GPATCH2: variants seen among roughly 807,000 people sequenced by gnomAD.
GPATCH2 encodes the protein G patch domain-containing protein 2.
A neutral mutation model predicts 58.0 loss-of-function variants in GPATCH2; 51 were observed. That is an observed-to-expected ratio of 0.88 (90% confidence interval 0.70 to 1.11). The LOEUF (loss-of-function observed/expected upper bound fraction) is 1.11. Among genes scored for constraint, GPATCH2 ranks in the 50% most tolerant of loss-of-function variants. GPATCH2 has a pLI of 0.00. For missense variants in GPATCH2, 625 were observed against 652.2 expected (o/e 0.96, Z 0.45); for synonymous variants, 222 against 218.5 (o/e 1.02, Z -0.14).
intron 6 of GPATCH2, among the ~76,000 whole-genome samples, chr1:217,502,645 C>A (rs1662363014): frequency 6.6e-6 from 1 of 151,964 alleles, no homozygotes; most frequent in Non-Finnish European, 1.5e-5. Flanking sequence ...CCTCAAATAT[C>A]TGGTGATCTT....
intron 5 of GPATCH2, among the ~76,000 whole-genome samples, chr1:217,559,524 G>A (rs11805540): frequency 0.015 from 2,348 of 152,140 alleles, 64 homozygotes; most frequent in African/African-American, 0.053. Context: ...GCTTAACAAA[G>A]GACTATCATT....
chr1:217,547,442 A>C (rs1472637615), intron 5 of GPATCH2, among the ~76,000 whole-genome samples: 1 of 152,110 alleles, frequency 6.6e-6, no homozygotes, highest in East Asian at 1.9e-4. Context: ...AATTAGTTCA[A>C]CCATTGTGCG....
At chr1:217,557,960 T>C (rs1193982207) in intron 5 of GPATCH2, among the ~76,000 whole-genome samples, 4 of 152,234 alleles carry the variant, frequency 2.6e-5, no homozygotes, top group African/African-American at 9.6e-5. Context: ...AAAACGCTTC[T>C]GAATCATGAT....
At chr1:217,535,899 T>A (rs971878691) in intron 5 of GPATCH2, among the ~76,000 whole-genome samples, 3 of 152,290 alleles carry the variant, frequency 2.0e-5, no homozygotes, top group Admixed American at 6.5e-5. Context: ...TGTTTTAAAA[T>A]TTTTAAATTT....
intron 1 of GPATCH2, among the ~76,000 whole-genome samples, chr1:217,620,748 T>A (rs966465432): frequency 6.6e-6 from 1 of 152,154 alleles, no homozygotes; most frequent in Non-Finnish European, 1.5e-5. Flanking sequence ...CAATGAAAGA[T>A]CCCAGTATTT....
chr1:217,454,003 C>CA lies in GPATCH2; in HGVS notation c.1278-4667dup, dbSNP rs539616942. Reference sequence around the variant, plus strand: ...TCAGTTAGAAAAATATCAGCCTGGACAGGGCATCAGCTGCACAGAAATAAA... The same window carrying CA: ...TCAGTTAGAAAAATATCAGCCTGGACAAGGGCATCAGCTGCACAGAAATAAA... On this transcript the variant is annotated intron_variant, in intron 8 of 9. Coordinates refer to ENST00000366935, the MANE Select transcript of GPATCH2 (RefSeq NM_018040.5). Among the ~76,000 whole-genome samples, 8 of 152,240 alleles carry CA rather than the reference C, an allele frequency of 5.3e-5. No individual in the cohort carries two copies. The East Asian group carries it at 5.8e-4, about 11-fold the overall frequency.
intron 5 of GPATCH2, among the ~76,000 whole-genome samples, chr1:217,526,092 G>C (rs912185621): frequency 6.6e-6 from 1 of 152,042 alleles, no homozygotes; most frequent in Non-Finnish European, 1.5e-5. Context: ...CCTGATAGTG[G>C]TGTTGCATAA....
chr1:217,616,514 A>G (rs1426366813), intron 2 of GPATCH2, among the ~76,000 whole-genome samples: 1 of 152,048 alleles, frequency 6.6e-6, no homozygotes, highest in Non-Finnish European at 1.5e-5. Context: ...GTCCTTAATG[A>G]TCCTTGTCCT....
Position 217,431,063 on chromosome 1 carries a change from T to G in GPATCH2, c.*82A>C. On this transcript the variant is annotated 3_prime_UTR_variant, in exon 10 of 10. Coordinates refer to ENST00000366935, the MANE Select transcript of GPATCH2 (RefSeq NM_018040.5). ...GTTTGAGGCAATGTAGATTTTTGCT[T>G]CAAAAACAGAAGTCATGTTATCATT... is the stretch of plus-strand genomic sequence containing the variant. 1 of 796,608 alleles carries G rather than the reference T, an allele frequency of 1.3e-6. No individual in the cohort carries two copies. The highest frequency in any genetic ancestry group is 1.8e-5 in the Admixed American group (1 of 56,454). The allele number at this position is 796,608 out of a possible 1,614,324, so 49.3% of individuals were successfully genotyped here.
chr1:217,575,547 A>T (rs1009651115), intron 5 of GPATCH2, among the ~76,000 whole-genome samples: 1 of 152,174 alleles, frequency 6.6e-6, no homozygotes, highest in Non-Finnish European at 1.5e-5. Context: ...GACATGAGAA[A>T]ACTGTTACTG....
chr1:217,511,286 T>C (rs1204569318), intron 6 of GPATCH2, among the ~76,000 whole-genome samples: 3 of 151,976 alleles, frequency 2.0e-5, no homozygotes, highest in African/African-American at 7.3e-5. Context: ...AAGATTAGGA[T>C]TGGTAGGGGT....
intron 1 of GPATCH2, among the ~76,000 whole-genome samples, chr1:217,628,265 C>G (rs1669556165): frequency 6.6e-6 from 1 of 151,972 alleles, no homozygotes; most frequent in Non-Finnish European, 1.5e-5. Context: ...AATCCATATT[C>G]CAAATTTTCT....
At chr1:217,466,491 C>T (rs1425225108) in intron 8 of GPATCH2, among the ~76,000 whole-genome samples, 2 of 151,928 alleles carry the variant, frequency 1.3e-5, no homozygotes, top group African/African-American at 2.4e-5. Flanking sequence ...TCCCTAAGTG[C>T]CGGGATTACA....
intron 7 of GPATCH2, among the ~76,000 whole-genome samples, chr1:217,494,585 A>G (rs1661914628): frequency 6.6e-6 from 1 of 152,132 alleles, no homozygotes; most frequent in Non-Finnish European, 1.5e-5. Context: ...CTAAAAATAG[A>G]AAAATTAGCC....
intron 8 of GPATCH2, among the ~76,000 whole-genome samples, chr1:217,483,090 C>G (rs1055744257): frequency 1.3e-5 from 2 of 152,174 alleles, no homozygotes; most frequent in African/African-American, 4.8e-5. Flanking sequence ...CATATACTCT[C>G]TGTCGAAGTT....
At chr1:217,588,078 T>C (rs1201708029) in intron 5 of GPATCH2, among the ~76,000 whole-genome samples, 1 of 152,146 alleles carries the variant, frequency 6.6e-6, no homozygotes, top group Non-Finnish European at 1.5e-5. Flanking sequence ...ATGGAATATA[T>C]ATTATATATG....
chr1:217,438,144 C>T (rs1246788409), intron 9 of GPATCH2, among the ~76,000 whole-genome samples: 2 of 152,050 alleles, frequency 1.3e-5, no homozygotes, highest in Non-Finnish European at 2.9e-5. Context: ...AGCAGAGGGA[C>T]CTGTTAGAAG....
In GPATCH2 at chr1:217,631,039, G is replaced by A. The variant is rs887827448; in HGVS notation, c.-68C>T. 9.1e-6 allele frequency: 13 copies of A among 1,427,044 alleles called. No individual in the cohort carries two copies. In the African/African-American group the frequency reaches 1.1e-4, roughly 12 times the overall value. 88.4% of individuals were successfully genotyped at this position (1,427,044 alleles called of 1,614,324 possible). A position where few individuals can be genotyped will look rare whatever the true frequency, so the allele number is the denominator to read the frequency against. ...ACAGACTCCAACTACAACAGCACCG[G>A]CGACTTCCAAAGAGCAGTTCAGCAT... is the stretch of plus-strand genomic sequence containing the variant. On this transcript the variant is annotated 5_prime_UTR_variant, in exon 1 of 10. Coordinates refer to ENST00000366935, the MANE Select transcript of GPATCH2 (RefSeq NM_018040.5).
chr1:217,494,110 T>C (rs539217718), intron 7 of GPATCH2, among the ~76,000 whole-genome samples: 4 of 152,348 alleles, frequency 2.6e-5, no homozygotes, highest in South Asian at 2.1e-4. Context: ...TCTCTGAACG[T>C]TGATGTTATA....
Sources: allele counts gnomAD v4.1 joint callset (sites outside exome capture counted in the v4.1 genomes callset), GRCh38; gene constraint gnomAD v4.1.1; transcripts MANE v1.5; gene names NCBI Gene and HGNC (gene_info 2026-07-23, HGNC 2026-07-21).